Variants in ARHGEF17 observed in about 807,000 individuals in gnomAD.
The protein encoded by ARHGEF17 is Rho guanine nucleotide exchange factor 17, also known as 164 kDa Rho-specific guanine-nucleotide exchange factor.
In ARHGEF17, 80 loss-of-function variants were observed where a neutral mutation model predicts 174.0. The observed-to-expected ratio is 0.46, with a 90% confidence interval of 0.38 to 0.55. The LOEUF (loss-of-function observed/expected upper bound fraction) is 0.55. Among genes scored for constraint, ARHGEF17 ranks in the 20% least tolerant of loss-of-function variants. The probability of loss-of-function intolerance (pLI) is 0.00; values close to 1 mark genes in which losing one functional copy is unlikely to be tolerated. For missense variants in ARHGEF17, 2,886 were observed against 2,839.7 expected (o/e 1.02, Z -0.37); for synonymous variants, 1,311 against 1,189.1 (o/e 1.10, Z -2.11).
Position 73,355,942 on chromosome 11 carries a change from C to T in ARHGEF17, c.3652C>T (p.Leu1218Phe), listed in dbSNP as rs1229791230. 1.2e-6 allele frequency: 2 copies of T among 1,614,062 alleles called. No individual in the cohort carries two copies. The highest frequency in any genetic ancestry group is 1.7e-6 in the Non-Finnish European group (2 of 1,180,034). The change falls in exon 5 of 21, where the codon CTT becomes TTT. Residue 1218 changes from leucine (L) to phenylalanine (F), a missense_variant. By Grantham distance (22) the Leu-to-Phe change is conservative. Around this residue, in one of 4 missense-constraint regions of ARHGEF17, gnomAD observed 353 missense variants for 470.3 expected, o/e 0.75. Coordinates refer to ENST00000263674, the MANE Select transcript of ARHGEF17 (RefSeq NM_014786.4). Reference protein sequence around the residue: ...KPVQRIPRYELLVKDLLKHTP... With the variant: ...KPVQRIPRYEFLVKDLLKHTP... Reference sequence around the variant, plus strand: ...TGTGCAGCGGATCCCACGCTACGAGCTTCTGGTGAAGGTGGGCATGGACCT... The same window carrying T: ...TGTGCAGCGGATCCCACGCTACGAGTTTCTGGTGAAGGTGGGCATGGACCT...
At chr11:73,364,759 G>C in intron 18 of ARHGEF17, 159 bp downstream of exon 18, 1 of 872,330 alleles carries the variant, frequency 1.1e-6, no homozygotes, top group Non-Finnish European at 1.7e-6. Context: ...GTCCTCCTTC[G>C]ATCCTCATTT....
At chr11:73,320,922 A>G (rs1865007946) in intron 1 of ARHGEF17, among the ~76,000 whole-genome samples, 1 of 152,156 alleles carries the variant, frequency 6.6e-6, no homozygotes, top group Non-Finnish European at 1.5e-5. Flanking sequence ...TTGGCCTCCC[A>G]AAGTGCTGGG....
At chr11:73,347,216 C>G in intron 2 of ARHGEF17, 1 of 561,464 alleles carries the variant, frequency 1.8e-6, no homozygotes, top group South Asian at 2.0e-5. Context: ...TCTTCCACGT[C>G]CCCCTGGCAA....
Position 73,308,770 on chromosome 11 carries a change from C to G in ARHGEF17, c.132C>G (p.Cys44Trp). 6.9e-7 allele frequency: 1 copy of G among 1,447,706 alleles called. No individual in the cohort carries two copies. Among genetic ancestry groups the G allele is most frequent in the Non-Finnish European group, 9.0e-7 (1 of 1,108,302 alleles). The allele number at this position is 1,447,706 out of a possible 1,614,324, so 89.7% of individuals were successfully genotyped here. Residue 44 changes from cysteine (C) to tryptophan (W), a missense_variant, in exon 1 of 21, where the codon TGC (cysteine) becomes TGG (tryptophan). Physicochemically the swap from Cys to Trp is radical, Grantham distance 215. Transcript: ENST00000263674. Reference sequence around the variant, plus strand: ...CCGGCTTGAGGCGACGCGCCTCGTGCCGGCCGACCACGGCTGCCCGGGGCC... The same window carrying G: ...CCGGCTTGAGGCGACGCGCCTCGTGGCGGCCGACCACGGCTGCCCGGGGCC... Reference protein sequence around the residue: ...DTPGLRRRASCRPTTAARGQP... With the variant: ...DTPGLRRRASWRPTTAARGQP...
At chr11:73,318,636 A>G (rs1190522445) in intron 1 of ARHGEF17, among the ~76,000 whole-genome samples, 1 of 152,228 alleles carries the variant, frequency 6.6e-6, no homozygotes, top group Non-Finnish European at 1.5e-5. Flanking sequence ...TCTCAGAACA[A>G]AAAGCAAGAA....
chr11:73,329,371 A>ATG (rs1565193814), intron 1 of ARHGEF17, among the ~76,000 whole-genome samples: 3 of 4,006 alleles, frequency 7.5e-4, no homozygotes, highest in African/African-American at 2.3e-3. Flanking sequence ...ATATATATAT[A>ATG]TATTTTTTTT....
chr11:73,328,901 C>G (rs1865146595), intron 1 of ARHGEF17, among the ~76,000 whole-genome samples: 1 of 151,884 alleles, frequency 6.6e-6, no homozygotes, highest in Non-Finnish European at 1.5e-5. Flanking sequence ...CCCAGAAGGT[C>G]TAGGAGAGAG....
intron 1 of ARHGEF17, among the ~76,000 whole-genome samples, chr11:73,317,380 G>C (rs1392061771): frequency 6.6e-6 from 1 of 152,196 alleles, no homozygotes; most frequent in East Asian, 1.9e-4. Context: ...GTCCAATAAA[G>C]AAGCAGGCTC....
Position 73,323,688 on chromosome 11 carries a change from C to T in ARHGEF17, c.3192+11858C>T, listed in dbSNP as rs927697710. ...CTTCCAGGCTTCTCCCCAAGGCCAG[C>T]GGGGGCGTTGCCTGGGGCGGGTGAG... On this transcript the variant is annotated intron_variant, in intron 1 of 20. Transcript: ENST00000263674. 2.0e-4 allele frequency among the ~76,000 whole-genome samples: 30 copies of T among 152,364 alleles called. 1 individual carries two copies. The highest frequency in any genetic ancestry group is 1.6e-3 in the Admixed American group (25 of 15,304).
At chr11:73,358,624 AT>A (rs59474308) in intron 9 of ARHGEF17, among the ~76,000 whole-genome samples, 340 of 142,324 alleles carry the variant, frequency 2.4e-3, no homozygotes, top group Middle Eastern at 3.7e-3. Context: ...CGCCCGGTTA[AT>A]TTTTTTTTTT....
intron 2 of ARHGEF17, among the ~76,000 whole-genome samples, chr11:73,350,880 C>G (rs1170359921): frequency 6.6e-6 from 1 of 152,258 alleles, no homozygotes; most frequent in Non-Finnish European, 1.5e-5. Flanking sequence ...TCCTGCCTCC[C>G]ACCACTCATG....
At chr11:73,367,486 T>C in intron 20 of ARHGEF17, 98 bp from the exon 21 acceptor site, 1 of 1,073,596 alleles carries the variant, frequency 9.3e-7, no homozygotes, top group Non-Finnish European at 1.4e-6. Flanking sequence ...TGTGCACATC[T>C]TCCTTCCTAT....
intron 1 of ARHGEF17, among the ~76,000 whole-genome samples, chr11:73,321,955 C>T (rs975779028): frequency 6.6e-6 from 1 of 152,084 alleles, no homozygotes; most frequent in Non-Finnish European, 1.5e-5. Context: ...GCCCTGCTCC[C>T]GCACAGCGCT....
chr11:73,342,383 A>T (rs1055043090), intron 1 of ARHGEF17, among the ~76,000 whole-genome samples: 2 of 152,030 alleles, frequency 1.3e-5, no homozygotes, highest in Non-Finnish European at 2.9e-5. Flanking sequence ...AAGACCAGGG[A>T]TGTGTATGTG....
chr11:73,340,183 T>A (rs1865347970), intron 1 of ARHGEF17, among the ~76,000 whole-genome samples: 1 of 152,162 alleles, frequency 6.6e-6, no homozygotes, highest in African/African-American at 2.4e-5. Context: ...CTCCTGTTCC[T>A]TCTCTTTGCT....
At position 73,346,945 on chromosome 11, in the gene ARHGEF17, G is replaced by A; in HGVS notation, c.3255G>A (p.Leu1085=). 1 of 1,582,166 alleles carries A rather than the reference G, an allele frequency of 6.3e-7. No individual in the cohort carries two copies. The highest frequency in any genetic ancestry group is 8.6e-7 in the Non-Finnish European group (1 of 1,158,354). Reference sequence around the variant, plus strand: ...CAGAGCAGTCGTATGTGGAGTCGCTGCGCACCCTGATGCAGGTGGGGCTCG... The same window carrying A: ...CAGAGCAGTCGTATGTGGAGTCGCTACGCACCCTGATGCAGGTGGGGCTCG... ...LDTEQSYVES[L]RTLMQGYMQP... The change falls in exon 2 of 21, where the codon CTG becomes CTA. Residue 1085 remains leucine, a synonymous_variant. Transcript: ENST00000263674.
intron 2 of ARHGEF17, among the ~76,000 whole-genome samples, chr11:73,352,206 C>T (rs1330394528): frequency 1.3e-5 from 2 of 152,110 alleles, no homozygotes; most frequent in African/African-American, 2.4e-5. Flanking sequence ...GACCTGTAAT[C>T]CCAGCTACTC....
chr11:73,351,683 G>A (rs957081230), intron 2 of ARHGEF17, among the ~76,000 whole-genome samples: 6 of 152,058 alleles, frequency 3.9e-5, no homozygotes, highest in Non-Finnish European at 7.4e-5. Flanking sequence ...CCAGGTTCAA[G>A]CAATTCTTCT....
In ARHGEF17 at chr11:73,367,790, C is replaced by T; in HGVS notation, c.*10C>T. 1 of 1,601,590 alleles carries T rather than the reference C, an allele frequency of 6.2e-7. No individual in the cohort carries two copies. Among genetic ancestry groups the T allele is most frequent in the Non-Finnish European group, 8.5e-7 (1 of 1,170,928 alleles). On this transcript the variant is annotated 3_prime_UTR_variant, in exon 21 of 21. Coordinates refer to ENST00000263674, the MANE Select transcript of ARHGEF17 (RefSeq NM_014786.4). ...CCTGTGGAGGGTGTGACCCTGTCTG[C>T]CGTGGCCCAGGACTCGCCCGCCCAC...
Sources: allele counts gnomAD v4.1 joint callset (sites outside exome capture counted in the v4.1 genomes callset), GRCh38; gene constraint gnomAD v4.1.1; regional missense constraint gnomAD v4.1.1; transcripts MANE v1.5; gene names NCBI Gene and HGNC (gene_info 2026-07-23, HGNC 2026-07-21).